VASH1: variants seen among roughly 807,000 people sequenced by gnomAD.
VASH1 encodes tubulinyl-Tyr carboxypeptidase 1.
Under a neutral mutation model 35.0 loss-of-function variants are expected in VASH1, and 16 were observed. The observed-to-expected ratio is 0.46, with a 90% CI of 0.31 to 0.70. The LOEUF (loss-of-function observed/expected upper bound fraction) is 0.70, where lower values mean the gene tolerates loss of function less well. VASH1 is among the 30% of genes least tolerant of loss of function. The probability of loss-of-function intolerance (pLI) is 0.05; values close to 1 mark genes in which losing one functional copy is unlikely to be tolerated. For missense variants in VASH1, 505 were observed against 510.7 expected, an observed-to-expected ratio of 0.99 and a Z score of 0.11; for synonymous variants, 214 against 200.9, an observed-to-expected ratio of 1.07 and a Z score of -0.55.
At position 76,776,222 on chromosome 14, in the gene VASH1, C is replaced by T. The variant is rs139567219; in HGVS notation, c.861C>T (p.Arg287=). The part of the protein sequence containing the change: ...HSVLDVERLG[R]DDFRKELERH... ...TGCTGGACGTGGAGCGCCTGGGCCG[C>T]GATGACTTCCGCAAGGAGCTGGAGC... is the stretch of plus-strand genomic sequence containing the variant. The change falls in exon 5 of 7, where the codon CGC becomes CGT. Residue 287 remains arginine (R), a synonymous_variant. Coordinates refer to ENST00000167106, the MANE Select transcript of VASH1 (RefSeq NM_014909.5). The T allele has an allele frequency of 7.5e-6, 12 of 1,608,372 alleles. No homozygotes were observed. The African/African-American group carries it at 1.5e-4, about 20-fold the overall frequency.
At position 76,780,676 on chromosome 14, in the gene VASH1, T is replaced by G. The variant is rs1337483061; in HGVS notation, c.*1658T>G. On this transcript the variant is annotated 3_prime_UTR_variant, in exon 7 of 7. Transcript: ENST00000167106. ...CAGTGCCGGCCCTGTGTTGCCAGAT[T>G]GTCTGCTTTGTCAGAGGCCAGAATT... 1 of 152,212 alleles carries G rather than the reference T, an allele frequency of 6.6e-6. No individual in the cohort carries two copies. The highest frequency in any genetic ancestry group is 1.5e-5 in the Non-Finnish European group (1 of 68,036). 9.4% of individuals were successfully genotyped at this position (152,212 alleles called of 1,614,324 possible).
chr14:76,763,744 A>T (rs1197195570), intron 1 of VASH1, among the ~76,000 whole-genome samples: 3 of 152,196 alleles, frequency 2.0e-5, no homozygotes, highest in African/African-American at 7.2e-5. Context: ...TGGACAGTAG[A>T]TTCAAGCACA....
At position 76,775,091 on chromosome 14, in the gene VASH1, C is replaced by T. The variant is rs909007866; in HGVS notation, c.531-801C>T. ...TAACTGTTGTGTGCCCGGCTTGATG[C>T]TGGGCCCTGAAGAACATGACAGACA... On this transcript the variant is annotated intron_variant, in intron 4 of 6. Coordinates refer to ENST00000167106, the MANE Select transcript of VASH1 (RefSeq NM_014909.5). Among the ~76,000 whole-genome samples, 6 of 152,332 alleles carry T rather than the reference C, an allele frequency of 3.9e-5. 1 individual carries two copies. The South Asian group carries it at 6.2e-4, about 16-fold the overall frequency.
chr14:76,771,788 G>A (rs1419274948), intron 3 of VASH1, among the ~76,000 whole-genome samples: 3 of 146,422 alleles, frequency 2.0e-5, no homozygotes, highest in East Asian at 4.2e-4. Context: ...TTCCCATCCC[G>A]CCACCCCGTG....
chr14:76,769,091 A>G (rs970663626), intron 1 of VASH1, among the ~76,000 whole-genome samples: 2 of 152,140 alleles, frequency 1.3e-5, no homozygotes, highest in South Asian at 2.1e-4. Flanking sequence ...TACTGGCATA[A>G]TGGTCTCTTT....
chr14:76,772,932 AGTG>A (rs1418039585), intron 3 of VASH1, among the ~76,000 whole-genome samples: 2 of 152,186 alleles, frequency 1.3e-5, no homozygotes, highest in Non-Finnish European at 2.9e-5. Flanking sequence ...TCCTATCAGC[AGTG>A]GCCGCCTCTT....
At position 76,776,142 on chromosome 14, in the gene VASH1, C is replaced by G; in HGVS notation, c.781C>G (p.Gln261Glu). The change falls in exon 5 of 7, where the codon CAG becomes GAG. Residue 261 changes from glutamine (Q) to glutamate (E), a missense_variant. Transcript: ENST00000167106. ...WHVLKKVKLG[Q>E]SVSHDPHSVE... ...CGTGCTCAAGAAGGTGAAGCTGGGC[C>G]AGAGCGTGTCACACGACCCGCACAG... The G allele has an allele frequency of 6.2e-7, 1 of 1,610,280 alleles. No homozygotes were observed. Among genetic ancestry groups the G allele is most frequent in the Non-Finnish European group, 8.5e-7 (1 of 1,179,744 alleles).
chr14:76,782,133 G>A lies in VASH1; in HGVS notation c.*3115G>A, dbSNP rs1894127723. 6.6e-6 allele frequency: 1 copy of A among 152,240 alleles called. No homozygotes were observed. Among genetic ancestry groups the A allele is most frequent in the South Asian group, 2.1e-4 (1 of 4,832 alleles). The allele number at this position is 152,240 out of a possible 1,614,324, so 9.4% of individuals were successfully genotyped here. On this transcript the variant is annotated 3_prime_UTR_variant, in exon 7 of 7. Transcript: ENST00000167106. ...TGCTCAGTGCCAGGGGCAGAACACT[G>A]GGGAGCCAGGTATAGAGAGCCTTCC...
chr14:76,766,939 A>G (rs1217010407), intron 1 of VASH1, among the ~76,000 whole-genome samples: 5 of 151,994 alleles, frequency 3.3e-5, no homozygotes, highest in African/African-American at 1.2e-4. Context: ...TCTGAGGCAC[A>G]GGGGAGGTCA....
Position 76,762,711 on chromosome 14 carries a change from T to C in VASH1, c.-111T>C, listed in dbSNP as rs1040111290. On this transcript the variant is annotated 5_prime_UTR_variant, in exon 1 of 7. Transcript: ENST00000167106. ...TGTACAGGAGCCACGCCCTGATTTC[T>C]TAAAGGCGCCTTGCACTCTGGCCAT... is the stretch of plus-strand genomic sequence containing the variant. 4.0e-6 allele frequency: 4 copies of C among 1,010,064 alleles called. No individual in the cohort carries two copies. Among genetic ancestry groups the C allele is most frequent in the Non-Finnish European group, 5.5e-6 (4 of 732,970 alleles). The allele number at this position is 1,010,064 out of a possible 1,614,324, so 62.6% of individuals were successfully genotyped here.
At chr14:76,778,143 T>C in intron 6 of VASH1, 72 bp downstream of exon 6, 2 of 1,009,092 alleles carry the variant, frequency 2.0e-6, no homozygotes, top group South Asian at 2.5e-5. Flanking sequence ...GTGGGTCCCT[T>C]TTTTTTTTTA....
At position 76,769,947 on chromosome 14, in the gene VASH1, C is replaced by G. The variant is rs770476333; in HGVS notation, c.310-16C>G. 1.2e-6 allele frequency: 2 copies of G among 1,613,394 alleles called. No homozygotes were observed. Among genetic ancestry groups the G allele is most frequent in the South Asian group, 1.1e-5 (1 of 91,086 alleles). On this transcript the variant is annotated splice_polypyrimidine_tract_variant and intron_variant, in intron 1 of 6. Transcript: ENST00000167106. ...TGAGCCTCTTCTTGTGACCGGAGCTCTTTCTCTGTCCCCAGATCCCCATAC... is the reference window on the plus strand; with the variant it reads ...TGAGCCTCTTCTTGTGACCGGAGCTGTTTCTCTGTCCCCAGATCCCCATAC...
In VASH1 at chr14:76,781,821, C is replaced by G. The variant is rs1020201640; in HGVS notation, c.*2803C>G. On this transcript the variant is annotated 3_prime_UTR_variant, in exon 7 of 7. Coordinates refer to ENST00000167106, the MANE Select transcript of VASH1 (RefSeq NM_014909.5). ...TGGGCATGTTTACACAGGCTCTGCT[C>G]TGGGGGCTGGCCTGGCTGTGAGGTT... 1 of 153,134 alleles carries G rather than the reference C, an allele frequency of 6.5e-6. No homozygotes were observed. The highest frequency in any genetic ancestry group is 6.5e-5 in the Admixed American group (1 of 15,290). 9.5% of individuals were successfully genotyped at this position (153,134 alleles called of 1,614,324 possible).
chr14:76,774,998 A>G (rs1055937747), intron 4 of VASH1: 1 of 152,236 alleles, frequency 6.6e-6, no homozygotes, highest in African/African-American at 2.4e-5. Flanking sequence ...AGTGCTGGAC[A>G]TGGTGTCTGC....
rs761034650 is a variant in VASH1 at position 76,780,995 on chromosome 14, G to A, written c.*1977G>A. ...TTTGCAGTTGCTGGGTCACCAGCGGGGGTGGCGCATGGAGTACAGACAGTG... is the reference window on the plus strand; with the variant it reads ...TTTGCAGTTGCTGGGTCACCAGCGGAGGTGGCGCATGGAGTACAGACAGTG... On this transcript the variant is annotated 3_prime_UTR_variant, in exon 7 of 7. Transcript: ENST00000167106. 3.3e-5 allele frequency: 5 copies of A among 152,372 alleles called. No individual in the cohort carries two copies. Among genetic ancestry groups the A allele is most frequent in the Non-Finnish European group, 7.3e-5 (5 of 68,176 alleles). 9.4% of individuals were successfully genotyped at this position (152,372 alleles called of 1,614,324 possible). A position where few individuals can be genotyped will look rare whatever the true frequency, so the allele number is the denominator to read the frequency against.
rs573647589 is a variant in VASH1 at position 76,769,591 on chromosome 14, A to C, written c.310-372A>C. 3.9e-4 allele frequency: 306 copies of C among 784,056 alleles called. 2 individuals carry two copies. In the African/African-American group the frequency reaches 4.7e-3, roughly 12 times the overall value. The allele number at this position is 784,056 out of a possible 1,614,324, so 48.6% of individuals were successfully genotyped here. ...TTGATCCGGCGCTTGAACCAGAGCA[A>C]ACTTCAAACCTAAAATAACCCCAAT... On this transcript the variant is annotated intron_variant, in intron 1 of 6. Transcript: ENST00000167106.
At chr14:76,772,654 C>T (rs1041606442) in intron 3 of VASH1, among the ~76,000 whole-genome samples, 3 of 152,254 alleles carry the variant, frequency 2.0e-5, no homozygotes, top group Non-Finnish European at 2.9e-5. Flanking sequence ...CATCCAGGCT[C>T]AGGCAGCTGC....
In VASH1 at chr14:76,775,988, G is replaced by A; in HGVS notation, c.627G>A (p.Val209=). 6.2e-7 allele frequency: 1 copy of A among 1,612,256 alleles called. No individual in the cohort carries two copies. The highest frequency in any genetic ancestry group is 8.5e-7 in the Non-Finnish European group (1 of 1,179,600). The change falls in exon 5 of 7, where the codon GTG becomes GTA. Residue 209 remains valine, a synonymous_variant. Transcript: ENST00000167106. The part of the protein sequence containing the change: ...GNYFRHIVLG[V]NFAGRYGALG... ...ACTTCCGCCACATCGTGCTGGGGGTGAACTTCGCGGGCCGCTACGGTGCGC... is the reference window on the plus strand; with the variant it reads ...ACTTCCGCCACATCGTGCTGGGGGTAAACTTCGCGGGCCGCTACGGTGCGC...
At chr14:76,772,196 C>T (rs556643866) in intron 3 of VASH1, among the ~76,000 whole-genome samples, 23 of 152,174 alleles carry the variant, frequency 1.5e-4, no homozygotes, top group African/African-American at 3.9e-4. Flanking sequence ...GCCGAGATCA[C>T]GCCACCGCAC....
Sources: allele counts gnomAD v4.1 joint callset (sites outside exome capture counted in the v4.1 genomes callset), GRCh38; gene constraint gnomAD v4.1.1; transcripts MANE v1.5; gene names NCBI Gene and HGNC (gene_info 2026-07-23, HGNC 2026-07-21).